The following IMMP2L variants were observed in gnomAD, a reference collection of about 807,000 sequenced individuals.
IMMP2L encodes inner mitochondrial membrane peptidase subunit 2.
A neutral mutation model predicts 19.3 loss-of-function variants in IMMP2L; 18 were observed. The observed-to-expected ratio is 0.93, with a 90% CI of 0.64 to 1.38. The LOEUF is 1.38. IMMP2L is among the 40% of genes most tolerant of loss of function. The pLI, the probability that IMMP2L is intolerant of heterozygous loss-of-function variation, is 0.00. For synonymous variants in IMMP2L, 76 were observed against 73.0 expected (o/e 1.04, Z -0.21); for missense variants, 233 against 218.2 (o/e 1.07, Z -0.43).
intron 5 of IMMP2L, among the ~76,000 whole-genome samples, chr7:110,778,645 A>C (rs1049274971): frequency 3.9e-5 from 6 of 152,018 alleles, no homozygotes; most frequent in Non-Finnish European, 8.8e-5. Flanking sequence ...GGACAAGAGA[A>C]CCTTACTGAG....
At chr7:111,082,790 G>A (rs561506342) in intron 3 of IMMP2L, among the ~76,000 whole-genome samples, 2 of 150,366 alleles carry the variant, frequency 1.3e-5, no homozygotes, top group Non-Finnish European at 1.5e-5. Flanking sequence ...TCTTAATGGC[G>A]AGGGTTAATT....
intron 3 of IMMP2L, among the ~76,000 whole-genome samples, chr7:111,446,974 G>A (rs893569034): frequency 8.0e-5 from 12 of 150,028 alleles, no homozygotes; most frequent in African/African-American, 2.2e-4. Context: ...AAGATGAAAC[G>A]AATGAAATGA....
At chr7:110,895,236 C>A (rs1392292715) in intron 4 of IMMP2L, among the ~76,000 whole-genome samples, 1 of 152,136 alleles carries the variant, frequency 6.6e-6, no homozygotes, top group African/African-American at 2.4e-5. Context: ...CAGGAAAGAT[C>A]TGCCCCCATA....
chr7:111,502,064 T>G (rs1320893248), intron 2 of IMMP2L, among the ~76,000 whole-genome samples: 1 of 152,042 alleles, frequency 6.6e-6, no homozygotes, highest in Non-Finnish European at 1.5e-5. Context: ...TGTGCTGTAT[T>G]CAGGAAACCC....
intron 3 of IMMP2L, among the ~76,000 whole-genome samples, chr7:111,292,691 A>G (rs1322721600): frequency 6.6e-6 from 1 of 152,020 alleles, no homozygotes; most frequent in East Asian, 1.9e-4. Context: ...GTGGGTTTAG[A>G]TTTCAACTCT....
intron 3 of IMMP2L, among the ~76,000 whole-genome samples, chr7:111,225,906 C>G (rs1267229437): frequency 6.6e-6 from 1 of 152,132 alleles, no homozygotes; most frequent in African/African-American, 2.4e-5. Context: ...TATATATCCC[C>G]CTAACTGGGG....
chr7:110,827,573 C>T (rs539502543), intron 5 of IMMP2L, among the ~76,000 whole-genome samples: 30 of 152,206 alleles, frequency 2.0e-4, no homozygotes, highest in Middle Eastern at 6.8e-3. Flanking sequence ...AGACCTATAG[C>T]GTTGTGTGAC....
intron 5 of IMMP2L, among the ~76,000 whole-genome samples, chr7:110,795,905 T>G (rs2131179115): frequency 6.6e-6 from 1 of 152,096 alleles, no homozygotes; most frequent in South Asian, 2.1e-4. Context: ...GGTGATATGG[T>G]TTGGCTGTGT....
chr7:110,897,725 C>T (rs1043577493), intron 4 of IMMP2L, among the ~76,000 whole-genome samples: 4 of 151,948 alleles, frequency 2.6e-5, no homozygotes, highest in African/African-American at 7.3e-5. Flanking sequence ...GATGGTATGT[C>T]CATACCATGG....
rs866379416 is a variant in IMMP2L, at chr7:111,123,962, T to C, written c.240-160397A>G. 1.2e-6 allele frequency: 2 copies of C among 1,614,044 alleles called. No homozygotes were observed. Among genetic ancestry groups the C allele is most frequent in the Middle Eastern group, 3.3e-4 (2 of 6,060 alleles). On this transcript the variant is annotated intron_variant, in intron 3 of 5. Coordinates refer to ENST00000405709, the MANE Select transcript of IMMP2L (RefSeq NM_032549.4). This position sits in a 1 kb window ranked among gnomAD's most constrained non-coding sequence, Gnocchi z 6.4. ...ATGGAGCCAGATTCACTGTTTTGCG[T>C]GGACCCACCTGAATTCCAAGGTCAG... is the stretch of plus-strand genomic sequence containing the variant.
At chr7:111,438,713 T>C (rs1027416904) in intron 3 of IMMP2L, among the ~76,000 whole-genome samples, 1 of 151,854 alleles carries the variant, frequency 6.6e-6, no homozygotes, top group Non-Finnish European at 1.5e-5. Flanking sequence ...GTGAAAGGAA[T>C]GTGTAGGATT....
At chr7:111,320,085 GAA>G (rs1415216224) in intron 3 of IMMP2L, among the ~76,000 whole-genome samples, 1 of 151,948 alleles carries the variant, frequency 6.6e-6, no homozygotes, top group Admixed American at 6.6e-5. Flanking sequence ...AGAAAGAGAG[GAA>G]AAGTCATTGA....
chr7:111,342,613 A>G (rs1026877687), intron 3 of IMMP2L, among the ~76,000 whole-genome samples: 1 of 152,044 alleles, frequency 6.6e-6, no homozygotes, highest in African/African-American at 2.4e-5. Context: ...TAAAGGTCAT[A>G]TACAATTTTA....
intron 3 of IMMP2L, chr7:111,392,692 C>A (rs976560455): frequency 4.4e-6 from 2 of 451,946 alleles, no homozygotes; most frequent in Admixed American, 2.4e-5. Context: ...AGGTTACACA[C>A]ACTTCTGTCC....
chr7:110,849,419 A>G (rs939960321), intron 5 of IMMP2L, among the ~76,000 whole-genome samples: 1 of 152,096 alleles, frequency 6.6e-6, no homozygotes, highest in African/African-American at 2.4e-5. Context: ...TAGGAAAAAC[A>G]TTTGCCCCAA....
intron 3 of IMMP2L, among the ~76,000 whole-genome samples, chr7:111,205,263 G>A (rs985810023): frequency 5.3e-5 from 8 of 152,048 alleles, no homozygotes; most frequent in Non-Finnish European, 1.2e-4. Context: ...CTTCCTAAAG[G>A]CTCCACCTCT....
chr7:111,165,956 A>C (rs1805771849), intron 3 of IMMP2L, among the ~76,000 whole-genome samples: 1 of 152,120 alleles, frequency 6.6e-6, no homozygotes, highest in Non-Finnish European at 1.5e-5. Flanking sequence ...AATTTCTCTC[A>C]TAAGTGAGTG....
intron 3 of IMMP2L, among the ~76,000 whole-genome samples, chr7:111,186,662 C>T (rs1333967128): frequency 6.6e-6 from 1 of 152,088 alleles, no homozygotes; most frequent in African/African-American, 2.4e-5. Context: ...AACTCCTGAC[C>T]TCAGGTGATC....
chr7:110,978,209 T>C (rs758442539), intron 3 of IMMP2L, among the ~76,000 whole-genome samples: 69 of 152,044 alleles, frequency 4.5e-4, no homozygotes, highest in Non-Finnish European at 8.2e-4. Flanking sequence ...ATATTCACTG[T>C]TTCAATGTTT....
Sources: gnomAD v4.1 joint callset for allele counts (sites outside exome capture counted in the v4.1 genomes callset) on GRCh38, gnomAD v4.1.1 for gene constraint, Gnocchi (gnomAD v3.1) non-coding constraint, MANE v1.5 for transcripts, NCBI Gene and HGNC (gene_info 2026-07-23, HGNC 2026-07-21) for gene names.